TBC1D9: variants seen among roughly 807,000 people sequenced by gnomAD.
TBC1D9 encodes the protein TBC1 domain family member 9A.
Under a neutral mutation model 132.0 loss-of-function variants are expected in TBC1D9, and 63 were observed. That is an observed-to-expected ratio of 0.48 (90% CI 0.39 to 0.59). TBC1D9 has a LOEUF of 0.59. Ranked by LOEUF, TBC1D9 falls within the 20% of genes least tolerant of loss-of-function variation. The pLI is 0.00. For missense variants in TBC1D9, 1,261 were observed against 1,592.7 expected (o/e 0.79, Z 3.54); for synonymous variants, 610 against 609.9 (o/e 1.00, Z 0.00).
At chr4:140,737,361 T>C (rs765612991) in intron 1 of TBC1D9, among the ~76,000 whole-genome samples, 2 of 152,088 alleles carry the variant, frequency 1.3e-5, no homozygotes, top group Non-Finnish European at 1.5e-5. Flanking sequence ...TTCCATGCCC[T>C]GTTCCCTCTC....
At chr4:140,624,610 G>T (rs1271894071) in intron 18 of TBC1D9, among the ~76,000 whole-genome samples, 6 of 152,124 alleles carry the variant, frequency 3.9e-5, no homozygotes, top group Non-Finnish European at 7.3e-5. Flanking sequence ...CCTGACATTA[G>T]AGGGGACATA....
At position 140,709,108 on chromosome 4, in the gene TBC1D9, C is replaced by T. The variant is rs531612957; in HGVS notation, c.131-7494G>A. ...TATTGTTTTAAACGGCCATCCACAA[C>T]TCTTTCCTCTCAATTTCAATAGCTG... is the stretch of plus-strand genomic sequence containing the variant. On this transcript the variant is annotated intron_variant, in intron 1 of 20. Coordinates refer to ENST00000442267, the MANE Select transcript of TBC1D9 (RefSeq NM_015130.3). Among the ~76,000 whole-genome samples, 4 of 152,158 alleles carry T rather than the reference C, an allele frequency of 2.6e-5. No individual in the cohort carries two copies. In the South Asian group the frequency reaches 8.3e-4, roughly 32 times the overall value.
intron 1 of TBC1D9, among the ~76,000 whole-genome samples, chr4:140,728,384 T>C (rs1181207148): frequency 7.1e-6 from 1 of 140,366 alleles, no homozygotes; most frequent in African/African-American, 2.9e-5. Context: ...TATTAAAAAA[T>C]TTTTAACTTT....
intron 13 of TBC1D9, among the ~76,000 whole-genome samples, chr4:140,654,566 T>C (rs1737236936): frequency 6.6e-6 from 1 of 152,128 alleles, no homozygotes; most frequent in Non-Finnish European, 1.5e-5. Flanking sequence ...GGTCCAGAAT[T>C]CTTTTAACAA....
chr4:140,683,323 GTCTCCA>G, intron 3 of TBC1D9, among the ~76,000 whole-genome samples: 1 of 152,138 alleles, frequency 6.6e-6, no homozygotes, highest in African/African-American at 2.4e-5. Context: ...AAGGCTAATA[GTCTCCA>G]TAAGGCTAAA....
intron 2 of TBC1D9, among the ~76,000 whole-genome samples, chr4:140,689,686 T>C (rs1385724111): frequency 4.9e-5 from 1 of 20,524 alleles, no homozygotes; most frequent in Non-Finnish European, 8.4e-5. Flanking sequence ...CTTCCTCCCC[T>C]CCCTTCCCTT....
At chr4:140,655,121 T>C (rs552896574) in intron 13 of TBC1D9, among the ~76,000 whole-genome samples, 1 of 152,232 alleles carries the variant, frequency 6.6e-6, no homozygotes, top group Admixed American at 6.5e-5. Flanking sequence ...TTTTAAAGTG[T>C]ATGTTGTAAG....
intron 20 of TBC1D9, 128 bp downstream of exon 20, chr4:140,623,988 G>T: frequency 1.4e-6 from 1 of 711,926 alleles, no homozygotes; most frequent in Non-Finnish European, 2.2e-6. Flanking sequence ...AGGTCCAAAT[G>T]GATACTAAGT....
At position 140,634,075 on chromosome 4, in the gene TBC1D9, T is replaced by G. The variant is rs1227399924; in HGVS notation, c.2619A>C (p.Gly873=). The G allele has an allele frequency of 6.2e-7, 1 of 1,613,868 alleles. No individual in the cohort carries two copies. Among genetic ancestry groups the G allele is most frequent in the African/African-American group, 1.3e-5 (1 of 74,924 alleles). The change falls in exon 16 of 21, where the codon GGA becomes GGC. Residue 873 remains glycine, a synonymous_variant. Coordinates refer to ENST00000442267, the MANE Select transcript of TBC1D9 (RefSeq NM_015130.3). Reference sequence around the variant, plus strand: ...CCCAAGGAAAGAGAAGAGCAAACATTCCCTTGAACTGCTCGAAGTCAATGC... The same window carrying G: ...CCCAAGGAAAGAGAAGAGCAAACATGCCCTTGAACTGCTCGAAGTCAATGC... The part of the protein sequence containing the change: ...QYRIDFEQFK[G]MFALLFPWAC...
At chr4:140,643,451 T>C in intron 13 of TBC1D9, 1 of 927,260 alleles carries the variant, frequency 1.1e-6, no homozygotes, top group Non-Finnish European at 1.7e-6. Flanking sequence ...GCTCAGAGCT[T>C]GCCTCTTCCA....
At chr4:140,714,359 G>C (rs1463526214) in intron 1 of TBC1D9, among the ~76,000 whole-genome samples, 4 of 152,188 alleles carry the variant, frequency 2.6e-5, no homozygotes, top group Non-Finnish European at 4.4e-5. Context: ...CACATGTAAG[G>C]TGTATATCAA....
chr4:140,739,377 T>C (rs1389562506), intron 1 of TBC1D9, among the ~76,000 whole-genome samples: 1 of 152,198 alleles, frequency 6.6e-6, no homozygotes, highest in Non-Finnish European at 1.5e-5. Flanking sequence ...TCCCTCCTTT[T>C]GTAAAAATAA....
intron 1 of TBC1D9, among the ~76,000 whole-genome samples, chr4:140,703,676 T>C (rs754599044): frequency 1.4e-4 from 22 of 152,062 alleles, no homozygotes; most frequent in Non-Finnish European, 2.9e-4. Flanking sequence ...TTAGATTCAC[T>C]CCAAACCACA....
At chr4:140,627,827 C>T (rs899535903) in intron 17 of TBC1D9, among the ~76,000 whole-genome samples, 3 of 152,156 alleles carry the variant, frequency 2.0e-5, no homozygotes, top group African/African-American at 4.8e-5. Context: ...GGAAACTGTA[C>T]GCTATAAAGA....
intron 2 of TBC1D9, among the ~76,000 whole-genome samples, chr4:140,695,859 T>C (rs1274291697): frequency 6.6e-6 from 1 of 152,162 alleles, no homozygotes; most frequent in African/African-American, 2.4e-5. Context: ...AATAGTCAAT[T>C]CACTGGTAAA....
intron 1 of TBC1D9, among the ~76,000 whole-genome samples, chr4:140,709,248 T>TCTCACACACACACACACA (rs1382500714): frequency 1.9e-5 from 2 of 104,146 alleles, no homozygotes; most frequent in African/African-American, 8.8e-5. Context: ...TCTCTCTCTC[T>TCTCACACACACACACACA]CACACACACA....
At chr4:140,708,305 A>G (rs1429031301) in intron 1 of TBC1D9, among the ~76,000 whole-genome samples, 1 of 152,248 alleles carries the variant, frequency 6.6e-6, no homozygotes, top group African/African-American at 2.4e-5. Context: ...CTGTGAGGTA[A>G]TAATGCAAAC....
intron 16 of TBC1D9, among the ~76,000 whole-genome samples, chr4:140,633,086 T>C (rs966807607): frequency 6.6e-6 from 1 of 152,224 alleles, no homozygotes; most frequent in Non-Finnish European, 1.5e-5. Flanking sequence ...CCTTTATGTC[T>C]TCTAGATATA....
At chr4:140,662,209 A>C in intron 9 of TBC1D9, 102 bp from the exon 10 acceptor site, 1 of 958,746 alleles carries the variant, frequency 1.0e-6, no homozygotes, top group Non-Finnish European at 1.7e-6. Flanking sequence ...CCTACCTCTC[A>C]AAGGAAACTT....
Sources: allele counts gnomAD v4.1 joint callset (sites outside exome capture counted in the v4.1 genomes callset), GRCh38; gene constraint gnomAD v4.1.1; transcripts MANE v1.5; gene names NCBI Gene and HGNC (gene_info 2026-07-23, HGNC 2026-07-21).